Variants in IL3RA observed in about 807,000 individuals in gnomAD.
IL3RA encodes interleukin 3 receptor subunit alpha, also known as interleukin-3 receptor subunit alpha.
A neutral mutation model predicts 52.3 loss-of-function variants in IL3RA; 73 were observed. The ratio of observed to expected loss-of-function variants is 1.40; its 90% CI spans 1.16 to 1.70. IL3RA has a LOEUF of 1.70. Ranked by LOEUF, IL3RA falls within the 40% of genes most tolerant of loss-of-function variation. The pLI, the probability that IL3RA is intolerant of heterozygous loss-of-function variation, is 0.00. For missense variants in IL3RA, 664 were observed against 504.4 expected, an observed-to-expected ratio of 1.32 and a Z score of -3.03; for synonymous variants, 260 against 194.0, an observed-to-expected ratio of 1.34 and a Z score of -2.83.
chrX:1,358,100 G>A (rs779552736), intron 7 of IL3RA, among the ~76,000 whole-genome samples: 11 of 150,100 alleles, frequency 7.3e-5, no homozygotes, highest in East Asian at 3.9e-4. Flanking sequence ...GTGAGACTCC[G>A]TCTCAGGAGA....
intron 1 of IL3RA, among the ~76,000 whole-genome samples, chrX:1,341,295 C>T (rs1160417313): frequency 1.6e-5 from 1 of 61,798 alleles, no homozygotes; most frequent in African/African-American, 4.5e-5. Flanking sequence ...GGCGAGTCTC[C>T]ATCAGGAAAA....
chrX:1,348,644 C>CTCTTTCTTTCTT (rs762100895), intron 4 of IL3RA, 99 bp downstream of exon 4: 6,374 of 496,716 alleles, frequency 0.013, 321 homozygotes, highest in East Asian at 0.03. Flanking sequence ...TTTTCTTTTT[C>CTCTTTCTTTCTT]TCTTTCTTTC....
rs761945901 is a variant in IL3RA at position 1,373,891 on chromosome X, C to T, written c.875-4768C>T. On this transcript the variant is annotated intron_variant, in intron 9 of 11. Transcript: ENST00000331035. ...CCCAGGAGAGAGGCCTCAGGAGGAACCAGCCCTGCCCACACCTGGATCTCA... is the reference window on the plus strand; with the variant it reads ...CCCAGGAGAGAGGCCTCAGGAGGAATCAGCCCTGCCCACACCTGGATCTCA... Among the ~76,000 whole-genome samples the T allele has an allele frequency of 5.0e-4, 32 of 64,322 alleles. 7 individuals are homozygous for T. In the African/African-American group the frequency reaches 5.4e-3, roughly 11 times the overall value. 42.2% of individuals were successfully genotyped at this position (64,322 alleles called of 152,430 possible). A position where few individuals can be genotyped will look rare whatever the true frequency, so the allele number is the denominator to read the frequency against.
chrX:1,353,342 T>A (rs1303170064), intron 6 of IL3RA, among the ~76,000 whole-genome samples: 1 of 146,098 alleles, frequency 6.8e-6, no homozygotes, highest in Non-Finnish European at 1.5e-5. Flanking sequence ...CCATCATGGG[T>A]CCCATCATGA....
chrX:1,341,381 GCACA>G (rs66978143), intron 1 of IL3RA, among the ~76,000 whole-genome samples: 1,656 of 152,024 alleles, frequency 0.011, 40 homozygotes, highest in African/African-American at 0.038. Context: ...ACACGTGCAA[GCACA>G]CACACACACA....
chrX:1,346,125 C>T (rs1193707342), intron 3 of IL3RA, among the ~76,000 whole-genome samples: 1 of 151,428 alleles, frequency 6.6e-6, no homozygotes, highest in East Asian at 2.0e-4. Flanking sequence ...CCAGTCTGGC[C>T]AACACGGTGA....
At chrX:1,380,675 T>G (rs1262601902) in intron 10 of IL3RA, among the ~76,000 whole-genome samples, 73 of 21,250 alleles carry the variant, frequency 3.4e-3, no homozygotes, top group South Asian at 6.4e-3. Flanking sequence ...GGGGAAGGGG[T>G]GGAGGAGGGA....
In IL3RA at chrX:1,340,115, C is replaced by CTTTT. The variant is rs779128210; in HGVS notation, c.-38-1598_-38-1595dup. On this transcript the variant is annotated intron_variant, in intron 1 of 11. Transcript: ENST00000331035. The stretch of plus-strand genomic sequence containing the variant: ...GGGCAGCAACTCTTTCTTTTCTTTT[C>CTTTT]TTTTTTTTTTTTTTTTTTGAGACGG... Among the ~76,000 whole-genome samples, 759 of 127,140 alleles carry CTTTT rather than the reference C, an allele frequency of 6.0e-3. 13 individuals carry two copies. The highest frequency in any genetic ancestry group is 0.021 in the African/African-American group (731 of 34,424). The allele number at this position is 127,140 out of a possible 152,430, so 83.4% of individuals were successfully genotyped here. A position where few individuals can be genotyped will look rare whatever the true frequency, so the allele number is the denominator to read the frequency against.
intron 9 of IL3RA, 94 bp from the exon 10 acceptor site, chrX:1,378,565 C>G (rs2088957897): frequency 1.8e-6 from 2 of 1,095,612 alleles, no homozygotes; most frequent in Admixed American, 2.0e-5. Context: ...ATGGCAGCCA[C>G]CTCTCTGCTT....
At chrX:1,337,271 G>T (rs1208186200) in intron 1 of IL3RA, among the ~76,000 whole-genome samples, 1 of 152,200 alleles carries the variant, frequency 6.6e-6, no homozygotes, top group Admixed American at 6.5e-5. Flanking sequence ...ACCTACACAT[G>T]GCTAGAGTTC....
intron 8 of IL3RA, among the ~76,000 whole-genome samples, chrX:1,360,498 C>T (rs755984692): frequency 6.6e-5 from 10 of 151,838 alleles, no homozygotes; most frequent in African/African-American, 2.2e-4. Context: ...CTCTGTATCT[C>T]TCTCCCTTTC....
In IL3RA at chrX:1,353,947, C is replaced by A. The variant is rs770652082; in HGVS notation, c.616+1441C>A. 6.7e-5 allele frequency among the ~76,000 whole-genome samples: 7 copies of A among 104,356 alleles called. 1 individual carries two copies. In the East Asian group the frequency reaches 1.6e-3, roughly 23 times the overall value. 68.5% of individuals were successfully genotyped at this position (104,356 alleles called of 152,430 possible). A position where few individuals can be genotyped will look rare whatever the true frequency, so the allele number is the denominator to read the frequency against. On this transcript the variant is annotated intron_variant, in intron 6 of 11. Transcript: ENST00000331035. ...GGTTCCATCATGGGTCATGGGACCC[C>A]CCCCCCCATCATGGGTCGTGGGACC...
intron 9 of IL3RA, among the ~76,000 whole-genome samples, chrX:1,377,924 G>A (rs1396031882): frequency 2.7e-5 from 4 of 149,786 alleles, no homozygotes; most frequent in Admixed American, 2.7e-4. Flanking sequence ...CGTGGCTGAC[G>A]CCTGTAATCC....
intron 3 of IL3RA, among the ~76,000 whole-genome samples, chrX:1,346,158 CG>C (rs1569520115): frequency 6.6e-6 from 1 of 151,674 alleles, no homozygotes; most frequent in African/African-American, 2.4e-5. Flanking sequence ...GCTAAAAATA[CG>C]AAAGTTAGCC....
chrX:1,355,142 GGGA>G (rs1330560340), intron 6 of IL3RA, among the ~76,000 whole-genome samples: 3 of 50,626 alleles, frequency 5.9e-5, no homozygotes, highest in Non-Finnish European at 1.1e-4. Flanking sequence ...AGAATGGGCA[GGGA>G]GGAGGAGAGG....
intron 9 of IL3RA, among the ~76,000 whole-genome samples, chrX:1,378,327 G>T (rs1158714462): frequency 6.6e-6 from 1 of 152,128 alleles, no homozygotes; most frequent in African/African-American, 2.4e-5. Flanking sequence ...AGCACCTGCC[G>T]GCCTGCTGGG....
intron 7 of IL3RA, among the ~76,000 whole-genome samples, chrX:1,358,190 G>C (rs767985029): frequency 3.3e-5 from 5 of 152,216 alleles, no homozygotes; most frequent in Admixed American, 1.3e-4. Context: ...TGCAGCCACA[G>C]GCAGAGTCGT....
Position 1,345,450 on chromosome X carries a change from T to G in IL3RA, c.183+16T>G. On this transcript the variant is annotated intron_variant, in intron 3 of 11. Coordinates refer to ENST00000331035, the MANE Select transcript of IL3RA (RefSeq NM_002183.4). ...TTCTATGCCGGTAAATCATACTCTC[T>G]ATTGTTTTTTTATTTTTATTTTATT... 7.1e-7 allele frequency: 1 copy of G among 1,418,088 alleles called. No individual in the cohort carries two copies. Among genetic ancestry groups the G allele is most frequent in the Non-Finnish European group, 9.6e-7 (1 of 1,042,246 alleles). The allele number at this position is 1,418,088 out of a possible 1,614,324, so 87.8% of individuals were successfully genotyped here. A position where few individuals can be genotyped will look rare whatever the true frequency, so the allele number is the denominator to read the frequency against.
chrX:1,340,987 G>T (rs1398884119), intron 1 of IL3RA, among the ~76,000 whole-genome samples: 2 of 152,038 alleles, frequency 1.3e-5, no homozygotes, highest in Non-Finnish European at 2.9e-5. Context: ...CATGGTGGTG[G>T]GTGCCTATAA....
Sources: allele counts gnomAD v4.1 joint callset (sites outside exome capture counted in the v4.1 genomes callset), GRCh38; gene constraint gnomAD v4.1.1; transcripts MANE v1.5; gene names NCBI Gene and HGNC (gene_info 2026-07-23, HGNC 2026-07-21).